MYO16: variants seen among roughly 807,000 people sequenced by gnomAD.
MYO16 encodes the protein unconventional myosin-XVI.
In MYO16, 94 loss-of-function variants were observed where a neutral mutation model predicts 205.3. That is an observed-to-expected ratio of 0.46 (90% CI 0.39 to 0.54). The LOEUF (loss-of-function observed/expected upper bound fraction) is 0.54, where lower values mean the gene tolerates loss of function less well. Among genes scored for constraint, MYO16 ranks in the 20% least tolerant of loss-of-function variants. MYO16 has a pLI of 0.00. For missense variants in MYO16, 2,315 were observed against 2,387.5 expected, an observed-to-expected ratio of 0.97 and a Z score of 0.63; for synonymous variants, 988 against 954.0, an observed-to-expected ratio of 1.04 and a Z score of -0.66.
the MYO16 span, among the ~76,000 whole-genome samples, chr13:108,553,080 C>A: frequency 4.0e-5 from 5 of 126,216 alleles, no homozygotes; most frequent in African/African-American, 1.5e-4. Flanking sequence ...GTGCAGTGGC[C>A]CAATGTCAAC....
intron 16 of MYO16, among the ~76,000 whole-genome samples, chr13:108,921,440 G>A (rs1384958065): frequency 1.3e-5 from 2 of 152,212 alleles, no homozygotes; most frequent in Admixed American, 1.3e-4. Flanking sequence ...TTATCAGTGT[G>A]TTCCATATGC....
chr13:108,834,943 GAA>G (rs151162645), intron 9 of MYO16, among the ~76,000 whole-genome samples: 2,452 of 152,020 alleles, frequency 0.016, 61 homozygotes, highest in African/African-American at 0.056. Context: ...TATTGTTAAA[GAA>G]AGAGAGAAAC....
At chr13:108,866,603 A>T (rs886949091) in intron 12 of MYO16, among the ~76,000 whole-genome samples, 1 of 152,186 alleles carries the variant, frequency 6.6e-6, no homozygotes. Context: ...AGAGTTCTAT[A>T]ATGTTAAAGC....
At chr13:108,738,110 G>A (rs7998008) in intron 4 of MYO16, among the ~76,000 whole-genome samples, 1,834 of 152,150 alleles carry the variant, frequency 0.012, 29 homozygotes, top group African/African-American at 0.042. Flanking sequence ...ATATTTTGAA[G>A]GATTTTTTTT....
intron 28 of MYO16, among the ~76,000 whole-genome samples, chr13:109,110,988 A>G (rs1889266507): frequency 1.3e-5 from 2 of 151,308 alleles, no homozygotes; most frequent in Non-Finnish European, 2.9e-5. Context: ...AGGTGAATGA[A>G]TGAATGAACT....
At chr13:108,575,726 C>A in the MYO16 span, among the ~76,000 whole-genome samples, 5 of 152,254 alleles carry the variant, frequency 3.3e-5, no homozygotes, top group South Asian at 1.0e-3. Flanking sequence ...CCCTGCCCGC[C>A]CGCGTATACA....
rs1458310824 is a variant in MYO16 at position 109,162,672 on chromosome 13, T to C, written c.5165-2229T>C. ...GAAGCTCCCAGGTACCAGGCAGTGG[T>C]ATTCATTATGTATCTCCCGCACTCA... On this transcript the variant is annotated intron_variant, in intron 32 of 34. Transcript: ENST00000457511. This position sits in a 1 kb window ranked among gnomAD's most constrained non-coding sequence, Gnocchi z 4.6. Among the ~76,000 whole-genome samples the C allele has an allele frequency of 6.6e-6, 1 of 152,172 alleles. No homozygotes were observed. The highest frequency in any genetic ancestry group is 2.4e-5 in the African/African-American group (1 of 41,426).
chr13:108,980,354 C>A (rs1229236524), intron 20 of MYO16, among the ~76,000 whole-genome samples: 1 of 152,182 alleles, frequency 6.6e-6, no homozygotes, highest in African/African-American at 2.4e-5. Flanking sequence ...TGTTTCATTT[C>A]TAACTGGGGA....
In MYO16 at chr13:109,055,229, C is replaced by A; in HGVS notation, c.3129+103C>A. On this transcript the variant is annotated intron_variant, in intron 26 of 34. Coordinates refer to ENST00000457511, the MANE Select transcript of MYO16 (RefSeq NM_001198950.3). The surrounding 1 kb of genome is among the most constrained non-coding windows in gnomAD (Gnocchi z 5.0). ...CCATTTTTGACAACTTAAATATCTT[C>A]ACAAAAAAAGTAAACATACACACAC... 1 of 1,050,150 alleles carries A rather than the reference C, an allele frequency of 9.5e-7. No homozygotes were observed. The highest frequency in any genetic ancestry group is 1.4e-6 in the Non-Finnish European group (1 of 736,494). The allele number at this position is 1,050,150 out of a possible 1,614,324, so 65.1% of individuals were successfully genotyped here.
intron 1 of MYO16, among the ~76,000 whole-genome samples, chr13:108,617,250 C>T (rs1034201781): frequency 1.3e-5 from 2 of 152,106 alleles, no homozygotes; most frequent in Admixed American, 6.6e-5. Context: ...TGGATGCAGC[C>T]CTGTTTGATG....
intron 32 of MYO16, among the ~76,000 whole-genome samples, chr13:109,147,701 C>T (rs192509973): frequency 1.3e-5 from 2 of 152,184 alleles, no homozygotes; most frequent in Admixed American, 1.3e-4. Flanking sequence ...TGGGAGTGCT[C>T]ATGAAAATTA....
chr13:108,576,778 T>C, the MYO16 span, among the ~76,000 whole-genome samples: 4 of 152,324 alleles, frequency 2.6e-5, no homozygotes, highest in African/African-American at 7.2e-5. Flanking sequence ...TTCTTTTTTT[T>C]TGAGACAGGA....
At chr13:109,021,498 T>G (rs1418683953) in intron 23 of MYO16, among the ~76,000 whole-genome samples, 1 of 152,144 alleles carries the variant, frequency 6.6e-6, no homozygotes, top group Non-Finnish European at 1.5e-5. Flanking sequence ...CAGTGTGGTT[T>G]TCACTGCATC....
chr13:108,860,351 T>A (rs1162692373), intron 11 of MYO16, among the ~76,000 whole-genome samples: 1 of 152,224 alleles, frequency 6.6e-6, no homozygotes, highest in Non-Finnish European at 1.5e-5. Flanking sequence ...TGTTCTTTTT[T>A]ATGGCTGCAT....
intron 4 of MYO16, among the ~76,000 whole-genome samples, chr13:108,743,456 C>T (rs1884970255): frequency 2.0e-5 from 3 of 152,168 alleles, no homozygotes; most frequent in African/African-American, 7.2e-5. Flanking sequence ...CCATTACATA[C>T]AATGAGGAGC....
intron 32 of MYO16, among the ~76,000 whole-genome samples, chr13:109,158,586 A>G (rs1594140418): frequency 6.6e-6 from 1 of 152,242 alleles, no homozygotes; most frequent in Middle Eastern, 3.4e-3. Flanking sequence ...GTGACCTCAC[A>G]CCTATTTCTC....
intron 1 of MYO16, among the ~76,000 whole-genome samples, chr13:108,652,629 C>T (rs1881062894): frequency 6.6e-6 from 1 of 152,180 alleles, no homozygotes; most frequent in African/African-American, 2.4e-5. Flanking sequence ...CTTTAGAAGC[C>T]TCATATAAGT....
rs760904814 is a variant in MYO16, at chr13:108,970,159, G to GT, written c.2369+5257_2369+5258insT. Among the ~76,000 whole-genome samples, 104 of 152,214 alleles carry GT rather than the reference G, an allele frequency of 6.8e-4. 1 individual carries two copies. Among genetic ancestry groups the GT allele is most frequent in the Admixed American group, 6.7e-3 (102 of 15,278 alleles). On this transcript the variant is annotated intron_variant, in intron 20 of 34. Coordinates refer to ENST00000457511, the MANE Select transcript of MYO16 (RefSeq NM_001198950.3). ...GCCAGAAATGTGTCTGTTTTATGGTGGTCAACATTATAGGCAGAATTGTTC... is the reference window on the plus strand; with the variant it reads ...GCCAGAAATGTGTCTGTTTTATGGTGTGTCAACATTATAGGCAGAATTGTTC...
At chr13:108,829,917 AAAAC>A (rs1029354110) in intron 9 of MYO16, among the ~76,000 whole-genome samples, 3 of 151,078 alleles carry the variant, frequency 2.0e-5, no homozygotes, top group Non-Finnish European at 3.0e-5. Context: ...TTACAAGAAA[AAAAC>A]AAACAACCCC....
Sources: gnomAD v4.1 joint callset for allele counts (sites outside exome capture counted in the v4.1 genomes callset) on GRCh38, gnomAD v4.1.1 for gene constraint, Gnocchi (gnomAD v3.1) non-coding constraint, MANE v1.5 for transcripts, NCBI Gene and HGNC (gene_info 2026-07-23, HGNC 2026-07-21) for gene names.